The following ABCC12 variants were observed in gnomAD, a reference collection of about 807,000 sequenced individuals.
ABCC12 encodes the protein ATP binding cassette subfamily C member 12, also known as ATP-binding cassette sub-family C member 12.
ABCC12 carries 142 observed loss-of-function variants against 151.1 expected under a neutral mutation model. That is an observed-to-expected ratio of 0.94 (90% CI 0.82 to 1.08). The LOEUF is 1.08. Ranked by LOEUF, ABCC12 falls within the 50% of genes least tolerant of loss-of-function variation. ABCC12 has a pLI of 0.00. For missense variants in ABCC12, 1,638 were observed against 1,691.1 expected, an observed-to-expected ratio of 0.97 and a Z score of 0.55; for synonymous variants, 645 against 646.4, an observed-to-expected ratio of 1.00 and a Z score of 0.03.
rs1006175684 is a variant in ABCC12 at position 48,155,549 on chromosome 16, T to C, written c.-320+292A>G. On this transcript the variant is annotated intron_variant, in intron 1 of 30. Coordinates refer to ENST00000311303, the MANE Select transcript of ABCC12 (RefSeq NM_001393797.1). ...GTGGGAAAAGACTTAAAATATTCAATGTAGGCTTTTGTATTTCAGAGATTT... is the reference window on the plus strand; with the variant it reads ...GTGGGAAAAGACTTAAAATATTCAACGTAGGCTTTTGTATTTCAGAGATTT... Among the ~76,000 whole-genome samples, 10 of 152,296 alleles carry C rather than the reference T, an allele frequency of 6.6e-5. 1 individual carries two copies. Among genetic ancestry groups the C allele is most frequent in the Admixed American group, 4.6e-4 (7 of 15,298 alleles).
rs570751320 is a variant in ABCC12 at position 48,101,641 on chromosome 16, G to C, written c.2901-632C>G. On this transcript the variant is annotated intron_variant, in intron 22 of 30. Transcript: ENST00000311303. Reference sequence around the variant, plus strand: ...TCTCAGCCAAAACAAACCCAGGGCAGTGAGGAGGGAAGTCTCATTAGTGCA... The same window carrying C: ...TCTCAGCCAAAACAAACCCAGGGCACTGAGGAGGGAAGTCTCATTAGTGCA... Among the ~76,000 whole-genome samples the C allele has an allele frequency of 3.8e-4, 58 of 151,992 alleles. 1 individual carries two copies. Among genetic ancestry groups the C allele is most frequent in the African/African-American group, 1.4e-3 (58 of 41,464 alleles).
intron 7 of ABCC12, 36 bp downstream of exon 7, chr16:48,139,127 T>C (rs1309350493): frequency 2.6e-6 from 4 of 1,544,880 alleles, no homozygotes; most frequent in Non-Finnish European, 3.5e-6. Flanking sequence ...GAAATGCAAA[T>C]ACAAAGCAGT....
Position 48,111,790 on chromosome 16 carries a change from C to A in ABCC12, c.2110G>T (p.Gly704Ter). The change falls in exon 16 of 31, where the codon GGA becomes TGA. Residue 704 changes from glycine to a stop codon, truncating the protein, a stop_gained. Coordinates refer to ENST00000311303, the MANE Select transcript of ABCC12 (RefSeq NM_001393797.1). LOFTEE classifies it high-confidence loss of function. ...GTGTGAGTTACCTTGAACTGCAATCCTCGCAGGTTGTGAATCAGTTTTGCA... is the reference window on the plus strand; with the variant it reads ...GTGTGAGTTACCTTGAACTGCAATCATCGCAGGTTGTGAATCAGTTTTGCA... ...RYAKLIHNLR[G>*]LQFKDPEHLY... 1 of 1,614,150 alleles carries A rather than the reference C, an allele frequency of 6.2e-7. No individual in the cohort carries two copies. The highest frequency in any genetic ancestry group is 8.5e-7 in the Non-Finnish European group (1 of 1,180,014).
At chr16:48,117,521 C>T (rs886433449) in intron 13 of ABCC12, among the ~76,000 whole-genome samples, 188 bp from the exon 14 acceptor site, 9 of 152,212 alleles carry the variant, frequency 5.9e-5, no homozygotes, top group African/African-American at 9.7e-5. Flanking sequence ...GACCACTGGC[C>T]CCTCCCCTGA....
intron 2 of ABCC12, among the ~76,000 whole-genome samples, chr16:48,150,664 C>A (rs182382034): frequency 5.0e-4 from 76 of 152,164 alleles, no homozygotes; most frequent in African/African-American, 1.7e-3. Context: ...ATTGGAGAAT[C>A]GTATTAGAAC....
chr16:48,139,097 C>A lies in ABCC12; in HGVS notation c.831+66G>T, dbSNP rs954626677. ...ATGCGCCAGAAATGCAGCCTTCCAC[C>A]CAATTCAGTGAAAGTGTGTGAAATG... On this transcript the variant is annotated intron_variant, in intron 7 of 30. Transcript: ENST00000311303. 9.4e-6 allele frequency: 14 copies of A among 1,492,698 alleles called. No individual in the cohort carries two copies. In the African/African-American group the frequency reaches 1.7e-4, roughly 18 times the overall value. 92.5% of individuals were successfully genotyped at this position (1,492,698 alleles called of 1,614,324 possible).
intron 24 of ABCC12, among the ~76,000 whole-genome samples, chr16:48,096,543 T>C (rs1399135124): frequency 6.6e-6 from 1 of 152,208 alleles, no homozygotes; most frequent in Non-Finnish European, 1.5e-5. Flanking sequence ...TCACAGGGCA[T>C]GGGCAAAGCT....
chr16:48,146,388 C>T lies in ABCC12; in HGVS notation c.37G>A (p.Asp13Asn). The T allele has an allele frequency of 6.2e-7, 1 of 1,614,154 alleles. No homozygotes were observed. Among genetic ancestry groups the T allele is most frequent in the Non-Finnish European group, 8.5e-7 (1 of 1,180,032 alleles). The change falls in exon 3 of 31, where the codon GAC (aspartate) becomes AAC (asparagine). Residue 13 changes from aspartate (D) to asparagine (N), a missense_variant. Physicochemically the swap from Asp to Asn is conservative, Grantham distance 23. Transcript: ENST00000311303. ...AAGGATCTCCGCCGGCCTCGCTGGT[C>T]CAGATCTGAGATAAGGTAGGGTCCT... ...GEGPYLISDL[D>N]QRGRRRSFAE...
At chr16:48,113,435 C>A (rs1963768655) in intron 15 of ABCC12, among the ~76,000 whole-genome samples, 1 of 152,212 alleles carries the variant, frequency 6.6e-6, no homozygotes, top group African/African-American at 2.4e-5. Context: ...CCAGTTCACT[C>A]CAGAGATATG....
In ABCC12 at chr16:48,133,851, C is replaced by T. The variant is rs1452278399; in HGVS notation, c.980-16G>A. On this transcript the variant is annotated splice_polypyrimidine_tract_variant and intron_variant, in intron 8 of 30. Coordinates refer to ENST00000311303, the MANE Select transcript of ABCC12 (RefSeq NM_001393797.1). ...CTTCTTATATCTGCAAAATAGAACA[C>T]AGTCCAAGGTGGTCTCATTTTGCAT... 1 of 1,613,988 alleles carries T rather than the reference C, an allele frequency of 6.2e-7. No individual in the cohort carries two copies. Among genetic ancestry groups the T allele is most frequent in the African/African-American group, 1.3e-5 (1 of 75,048 alleles).
intron 10 of ABCC12, among the ~76,000 whole-genome samples, chr16:48,129,264 G>A (rs911386208): frequency 1.3e-5 from 2 of 152,142 alleles, no homozygotes; most frequent in Admixed American, 6.5e-5. Context: ...GAACATGCAC[G>A]GATCGTTTCT....
chr16:48,147,384 A>G (rs1315662159), intron 2 of ABCC12, among the ~76,000 whole-genome samples: 1 of 152,156 alleles, frequency 6.6e-6, no homozygotes, highest in Admixed American at 6.5e-5. Flanking sequence ...TACCTAAGGT[A>G]TGTTGAGTTG....
At chr16:48,117,171 G>A in intron 14 of ABCC12, 90 bp downstream of exon 14, 6 of 1,279,150 alleles carry the variant, frequency 4.7e-6, no homozygotes, top group South Asian at 1.5e-5. Context: ...ATCTGGATGT[G>A]GAACAGGGGC....
rs763052571 is a variant in ABCC12, at chr16:48,084,081, G to A, written c.3829-8C>T. ...TTCATCAAGGAGAATGATCTGTGGA[G>A]GAGGAAACATTATAAGCCAAAGGCG... On this transcript the variant is annotated splice_polypyrimidine_tract_variant and splice_region_variant and intron_variant, in intron 29 of 30. Transcript: ENST00000311303. The A allele has an allele frequency of 3.7e-6, 6 of 1,601,536 alleles. No individual in the cohort carries two copies. In the South Asian group the frequency reaches 6.9e-5, roughly 18 times the overall value.
At chr16:48,092,926 C>T (rs1041215745) in intron 24 of ABCC12, among the ~76,000 whole-genome samples, 2 of 152,152 alleles carry the variant, frequency 1.3e-5, no homozygotes, top group African/African-American at 4.8e-5. Flanking sequence ...CGAGCAGGCG[C>T]GTGACGTGGA....
intron 3 of ABCC12, among the ~76,000 whole-genome samples, chr16:48,145,579 A>G (rs1964969919): frequency 6.6e-6 from 1 of 152,228 alleles, no homozygotes; most frequent in Non-Finnish European, 1.5e-5. Flanking sequence ...CCAATAGAAT[A>G]CAGTGAAAAA....
At chr16:48,090,291 C>A (rs1212085650) in intron 25 of ABCC12, among the ~76,000 whole-genome samples, 1 of 151,964 alleles carries the variant, frequency 6.6e-6, no homozygotes, top group Non-Finnish European at 1.5e-5. Context: ...GCAATGGCAT[C>A]ATCACAGCTT....
At chr16:48,100,568 TTTTTTTCTTC>T (rs1447109949) in intron 23 of ABCC12, among the ~76,000 whole-genome samples, 1 of 152,178 alleles carries the variant, frequency 6.6e-6, no homozygotes, top group Non-Finnish European at 1.5e-5. Context: ...CTGTAAGTGA[TTTTTTTCTTC>T]TTTTTTCTTC....
chr16:48,109,032 G>A (rs1353965344), intron 18 of ABCC12, among the ~76,000 whole-genome samples: 4 of 152,146 alleles, frequency 2.6e-5, no homozygotes, highest in Non-Finnish European at 5.9e-5. Context: ...TTGGCCTTGG[G>A]GTGAAGGCCG....
Sources: gnomAD v4.1 joint callset for allele counts (sites outside exome capture counted in the v4.1 genomes callset) on GRCh38, gnomAD v4.1.1 for gene constraint, MANE v1.5 for transcripts, NCBI Gene and HGNC (gene_info 2026-07-23, HGNC 2026-07-21) for gene names.